FUT8: variants seen among roughly 807,000 people sequenced by gnomAD.
FUT8 encodes the protein fucosyltransferase 8.
FUT8 carries 29 observed loss-of-function variants against 71.3 expected under a neutral mutation model. The observed-to-expected ratio is 0.41, with a 90% CI of 0.30 to 0.55. The LOEUF is 0.55. Ranked by LOEUF, FUT8 falls within the 20% of genes least tolerant of loss-of-function variation. The pLI, the probability that FUT8 is intolerant of heterozygous loss-of-function variation, is 0.34. For missense variants in FUT8, 544 were observed against 702.1 expected, an observed-to-expected ratio of 0.77 and a Z score of 2.55; for synonymous variants, 254 against 239.3, an observed-to-expected ratio of 1.06 and a Z score of -0.57.
At chr14:65,570,061 C>A (rs140083538) in intron 3 of FUT8, among the ~76,000 whole-genome samples, 1 of 151,988 alleles carries the variant, frequency 6.6e-6, no homozygotes, top group African/African-American at 2.4e-5. Context: ...CTAAATTTGA[C>A]ATACATTGAA....
At chr14:65,400,479 C>A in the FUT8 span, among the ~76,000 whole-genome samples, 7 of 152,284 alleles carry the variant, frequency 4.6e-5, no homozygotes, top group Middle Eastern at 3.4e-3. Context: ...TTAGTCTTCC[C>A]TGTTGGTTCA....
At chr14:65,658,388 C>T (rs1367997355) in intron 6 of FUT8, among the ~76,000 whole-genome samples, 1 of 152,054 alleles carries the variant, frequency 6.6e-6, no homozygotes, top group East Asian at 1.9e-4. Flanking sequence ...GGTAGTTCTC[C>T]ATAAACATAC....
intron 7 of FUT8, among the ~76,000 whole-genome samples, chr14:65,691,429 A>C (rs545566241): frequency 1.8e-4 from 26 of 146,892 alleles, no homozygotes; most frequent in Admixed American, 6.6e-5. Context: ...GTTTTTAATC[A>C]TGAATAGGTG....
At chr14:65,497,753 A>G (rs1427092449) in intron 2 of FUT8, among the ~76,000 whole-genome samples, 1 of 152,108 alleles carries the variant, frequency 6.6e-6, no homozygotes, top group African/African-American at 2.4e-5. Flanking sequence ...TAAAATGAAT[A>G]TATCATTTTA....
intron 1 of FUT8, among the ~76,000 whole-genome samples, chr14:65,420,771 A>G (rs2065281439): frequency 6.6e-6 from 1 of 152,134 alleles, no homozygotes; most frequent in South Asian, 2.1e-4. Context: ...TTATCTCCTC[A>G]AAAACTTAAT....
intron 2 of FUT8, among the ~76,000 whole-genome samples, chr14:65,531,625 C>G (rs1883960973): frequency 6.6e-6 from 1 of 152,104 alleles, no homozygotes; most frequent in Non-Finnish European, 1.5e-5. Flanking sequence ...TATTTTTGAA[C>G]TATTAGTTTA....
chr14:65,360,639 G>A, the FUT8 span, among the ~76,000 whole-genome samples: 1,514 of 152,276 alleles, frequency 9.9e-3, 20 homozygotes, highest in African/African-American at 0.035. Flanking sequence ...TCCAGTATCC[G>A]GACTCTGTTG....
At chr14:65,433,177 A>G (rs1595368936) in intron 1 of FUT8, among the ~76,000 whole-genome samples, 1 of 152,236 alleles carries the variant, frequency 6.6e-6, no homozygotes, top group Non-Finnish European at 1.5e-5. Context: ...CTATCACTAC[A>G]GTGTTTATCT....
At chr14:65,522,615 C>T (rs757719810) in intron 2 of FUT8, among the ~76,000 whole-genome samples, 5 of 152,014 alleles carry the variant, frequency 3.3e-5, no homozygotes, top group Non-Finnish European at 4.4e-5. Flanking sequence ...GGTACATGTG[C>T]GCGACGTGCA....
intron 1 of FUT8, among the ~76,000 whole-genome samples, chr14:65,419,364 T>C (rs1486028161): frequency 6.6e-6 from 1 of 152,128 alleles, no homozygotes. Context: ...AGAACTAACA[T>C]ATTAAACTAA....
chr14:65,386,937 G>A, the FUT8 span, among the ~76,000 whole-genome samples: 4 of 148,084 alleles, frequency 2.7e-5, no homozygotes, highest in African/African-American at 9.9e-5. Context: ...TGCCTCCTGG[G>A]TTCAAGTGAT....
intron 6 of FUT8, among the ~76,000 whole-genome samples, chr14:65,664,253 G>A (rs1418288605): frequency 1.3e-5 from 2 of 152,072 alleles, no homozygotes; most frequent in Non-Finnish European, 1.5e-5. Flanking sequence ...ATCAGTTCGA[G>A]AATATTATTT....
intron 3 of FUT8, among the ~76,000 whole-genome samples, chr14:65,580,150 G>T (rs1398750943): frequency 6.7e-6 from 1 of 149,938 alleles, no homozygotes. Context: ...GGTGATTTTT[G>T]TGGCTGTATG....
Position 65,677,160 on chromosome 14 carries a change from GCA to G in FUT8, c.835+7681_835+7682del, listed in dbSNP as rs1491087428. Among the ~76,000 whole-genome samples, 72 of 114,992 alleles carry G rather than the reference GCA, an allele frequency of 6.3e-4. 1 individual carries two copies. The highest frequency in any genetic ancestry group is 1.4e-3 in the African/African-American group (33 of 23,024). 75.4% of individuals were successfully genotyped at this position (114,992 alleles called of 152,430 possible). On this transcript the variant is annotated intron_variant, in intron 7 of 10. Coordinates refer to ENST00000673929, the MANE Select transcript of FUT8 (RefSeq NM_001371533.1). ...TGTGTGTGTGTGTGTGTGCGCGCGC[GCA>G]TGCGCGCGCACGTATGTGTGTGCGC...
intron 9 of FUT8, among the ~76,000 whole-genome samples, chr14:65,732,567 C>T (rs80304470): frequency 0.012 from 1,840 of 152,282 alleles, 14 homozygotes; most frequent in South Asian, 0.024. Context: ...CTTTTAAACA[C>T]ACACTATCTC....
At chr14:65,445,997 C>T (rs949630890) in intron 1 of FUT8, among the ~76,000 whole-genome samples, 7 of 152,200 alleles carry the variant, frequency 4.6e-5, no homozygotes, top group African/African-American at 1.7e-4. Flanking sequence ...TCACCTAGTA[C>T]AGCTTCACAT....
chr14:65,530,085 C>CT (rs201651643), intron 2 of FUT8, among the ~76,000 whole-genome samples: 1,652 of 152,156 alleles, frequency 0.011, 32 homozygotes, highest in African/African-American at 0.038. Context: ...TAAGGATATC[C>CT]TTTTTTTAAA....
At chr14:65,611,861 A>G (rs1228492651) in intron 3 of FUT8, among the ~76,000 whole-genome samples, 1 of 152,030 alleles carries the variant, frequency 6.6e-6, no homozygotes, top group African/African-American at 2.4e-5. Flanking sequence ...GTATTTCACC[A>G]TGTTGGCCAG....
At chr14:65,424,090 G>A (rs1289337031) in intron 1 of FUT8, among the ~76,000 whole-genome samples, 2 of 152,180 alleles carry the variant, frequency 1.3e-5, no homozygotes, top group Admixed American at 6.5e-5. Flanking sequence ...TGGCACTTAG[G>A]TGTCATTTGA....
Sources: gnomAD v4.1 joint callset for allele counts (sites outside exome capture counted in the v4.1 genomes callset) on GRCh38, gnomAD v4.1.1 for gene constraint, MANE v1.5 for transcripts, NCBI Gene and HGNC (gene_info 2026-07-23, HGNC 2026-07-21) for gene names.